The following CDH4 variants were observed in gnomAD, a reference collection of about 807,000 sequenced individuals.
CDH4 encodes the protein cadherin 4.
Under a neutral mutation model 86.0 loss-of-function variants are expected in CDH4, and 33 were observed. The observed-to-expected ratio is 0.38, with a 90% CI of 0.29 to 0.51. The LOEUF is 0.51. Ranked by LOEUF, CDH4 falls within the 20% of genes least tolerant of loss-of-function variation. CDH4 has a pLI of 0.86. For synonymous variants in CDH4, 555 were observed against 549.4 expected, an observed-to-expected ratio of 1.01 and a Z score of -0.14; for missense variants, 1,114 against 1,307.4, an observed-to-expected ratio of 0.85 and a Z score of 2.28.
At chr20:61,284,731 GC>G (rs1385804508) in intron 2 of CDH4, among the ~76,000 whole-genome samples, 70 of 152,326 alleles carry the variant, frequency 4.6e-4, no homozygotes, top group African/African-American at 1.6e-3. Flanking sequence ...ACTGGCTGAA[GC>G]CCCCAATGCA....
chr20:61,718,685 A>AT (rs1474078950), intron 2 of CDH4: 6 of 413,130 alleles, frequency 1.5e-5, no homozygotes, highest in Admixed American at 2.7e-5. Flanking sequence ...AGGAGCCTGC[A>AT]TGACACTGTG....
At chr20:61,743,275 A>G (rs1487351925) in intron 2 of CDH4, among the ~76,000 whole-genome samples, 1 of 152,256 alleles carries the variant, frequency 6.6e-6, no homozygotes, top group Non-Finnish European at 1.5e-5. Context: ...ATTCGGAGAT[A>G]ACAGCGGCAA....
chr20:61,581,949 C>T, intron 2 of CDH4, among the ~76,000 whole-genome samples: 1 of 152,198 alleles, frequency 6.6e-6, no homozygotes, highest in East Asian at 1.9e-4. Context: ...CCCTGGCTGG[C>T]CTGCCTGAGG....
At chr20:61,534,525 G>A (rs760382193) in intron 2 of CDH4, among the ~76,000 whole-genome samples, 2 of 152,194 alleles carry the variant, frequency 1.3e-5, no homozygotes, top group Non-Finnish European at 2.9e-5. Flanking sequence ...CCAGCCAGCT[G>A]TCTGCAGGCA....
chr20:61,698,232 C>T (rs1186407506), intron 2 of CDH4, among the ~76,000 whole-genome samples: 1 of 152,266 alleles, frequency 6.6e-6, no homozygotes, highest in Non-Finnish European at 1.5e-5. Context: ...AGCACAAAGC[C>T]AAGTGCAGCC....
intron 2 of CDH4, among the ~76,000 whole-genome samples, chr20:61,589,693 G>A (rs2086503099): frequency 6.6e-6 from 1 of 152,030 alleles, no homozygotes; most frequent in Non-Finnish European, 1.5e-5. Flanking sequence ...TGCCATGCTG[G>A]TGTGCTGCAC....
intron 4 of CDH4, among the ~76,000 whole-genome samples, chr20:61,843,035 T>A (rs1982247173): frequency 6.6e-6 from 1 of 152,242 alleles, no homozygotes; most frequent in Non-Finnish European, 1.5e-5. Context: ...AAGGTCTTTT[T>A]TCAGTTTTGT....
chr20:61,745,139 T>C (rs1268671163), intron 3 of CDH4, among the ~76,000 whole-genome samples: 1 of 152,194 alleles, frequency 6.6e-6, no homozygotes, highest in Non-Finnish European at 1.5e-5. Context: ...CTAGCAATCA[T>C]GGGCACTCCC....
intron 2 of CDH4, among the ~76,000 whole-genome samples, chr20:61,714,921 T>C (rs931953364): frequency 1.3e-5 from 2 of 152,228 alleles, no homozygotes; most frequent in African/African-American, 4.8e-5. Context: ...ATTGGGTAGA[T>C]ACCCAGTAGA....
intron 3 of CDH4, among the ~76,000 whole-genome samples, chr20:61,758,496 G>C (rs1181815118): frequency 6.6e-6 from 1 of 152,206 alleles, no homozygotes; most frequent in African/African-American, 2.4e-5. Context: ...ATTGCCACGA[G>C]GAGTTAGGGG....
At chr20:61,383,048 A>G (rs1482837400) in intron 2 of CDH4, among the ~76,000 whole-genome samples, 1 of 142,486 alleles carries the variant, frequency 7.0e-6, no homozygotes, top group Admixed American at 7.5e-5. Flanking sequence ...GACAGAACTA[A>G]TGGAATATAT....
In CDH4 at chr20:61,910,574, C is replaced by T. The variant is rs375540807; in HGVS notation, c.1341C>T (p.Pro447=). Residue 447 remains proline, a synonymous_variant, in exon 9 of 16, where the codon CCC becomes CCT. Coordinates refer to ENST00000614565, the MANE Select transcript of CDH4 (RefSeq NM_001794.5). ...PSGHFSVRTD[P]VTNEGMVTVV... is the part of the protein sequence containing the mutation. ...GGCACTTCAGCGTCCGCACAGACCC[C>T]GTAACCAACGAGGGCATGGTCACCG... 18 of 1,613,610 alleles carry T rather than the reference C, an allele frequency of 1.1e-5. No homozygotes were observed. The highest frequency in any genetic ancestry group is 1.7e-5 in the Admixed American group (1 of 60,000).
intron 2 of CDH4, among the ~76,000 whole-genome samples, chr20:61,436,161 G>A (rs542382417): frequency 6.6e-6 from 1 of 152,250 alleles, no homozygotes; most frequent in South Asian, 2.1e-4. Context: ...CCTAGTCTCG[G>A]CTTCAACCCC....
chr20:61,762,314 T>C (rs547271148), intron 3 of CDH4, among the ~76,000 whole-genome samples: 2 of 152,372 alleles, frequency 1.3e-5, no homozygotes, highest in South Asian at 4.2e-4. Context: ...CAGCATCTGG[T>C]ATGTAAAAAA....
At chr20:61,434,068 C>T (rs982162046) in intron 2 of CDH4, among the ~76,000 whole-genome samples, 1 of 152,176 alleles carries the variant, frequency 6.6e-6, no homozygotes, top group African/African-American at 2.4e-5. Flanking sequence ...GCATGTACCA[C>T]TCTCCACTGG....
chr20:61,629,099 T>A (rs916488338), intron 2 of CDH4, among the ~76,000 whole-genome samples: 1 of 152,256 alleles, frequency 6.6e-6, no homozygotes, highest in African/African-American at 2.4e-5. Context: ...CAGGTTCAGC[T>A]GCAGTCCCCA....
At chr20:61,840,167 T>C (rs892598820) in intron 4 of CDH4, among the ~76,000 whole-genome samples, 2 of 152,158 alleles carry the variant, frequency 1.3e-5, no homozygotes, top group Non-Finnish European at 2.9e-5. Flanking sequence ...TCTGTGTCCG[T>C]CTGCGGGCTG....
intron 2 of CDH4, among the ~76,000 whole-genome samples, chr20:61,566,585 G>T (rs571800455): frequency 1.1e-4 from 16 of 152,092 alleles, no homozygotes; most frequent in Non-Finnish European, 2.2e-4. Context: ...TGTCTGCAGC[G>T]CTCTGACATC....
chr20:61,904,604 T>A (rs1328077297), intron 8 of CDH4, among the ~76,000 whole-genome samples: 1 of 152,196 alleles, frequency 6.6e-6, no homozygotes, highest in Non-Finnish European at 1.5e-5. Context: ...TACCAGGTGC[T>A]GCACCGAGTG....
Sources: allele counts gnomAD v4.1 joint callset (sites outside exome capture counted in the v4.1 genomes callset), GRCh38; gene constraint gnomAD v4.1.1; transcripts MANE v1.5; gene names NCBI Gene and HGNC (gene_info 2026-07-23, HGNC 2026-07-21).